The following CUX1 variants were observed in gnomAD, a reference collection of about 807,000 sequenced individuals.
CUX1 encodes the protein cut like homeobox 1, also known as protein CASP.
In CUX1, 31 loss-of-function variants were observed where a neutral mutation model predicts 158.8. The ratio of observed to expected loss-of-function variants is 0.20; its 90% CI spans 0.15 to 0.26. The LOEUF (loss-of-function observed/expected upper bound fraction) is 0.26, where lower values mean the gene tolerates loss of function less well. Ranked by LOEUF, CUX1 falls within the 10% of genes least tolerant of loss-of-function variation. The pLI is 1.00. For synonymous variants in CUX1, 879 were observed against 862.1 expected, an observed-to-expected ratio of 1.02 and a Z score of -0.34; for missense variants, 1,589 against 2,014.6, an observed-to-expected ratio of 0.79 and a Z score of 4.04.
At chr7:102,264,525 G>C (rs1586494783) in intron 14 of CUX1, among the ~76,000 whole-genome samples, 1 of 152,152 alleles carries the variant, frequency 6.6e-6, no homozygotes, top group African/African-American at 2.4e-5. Context: ...GGGCCTTGTC[G>C]GCTATTGCTG....
intron 8 of CUX1, among the ~76,000 whole-genome samples, chr7:102,119,810 G>A (rs1554492905): frequency 6.6e-6 from 1 of 152,124 alleles, no homozygotes; most frequent in Non-Finnish European, 1.5e-5. Context: ...GCCTCTCAAA[G>A]TGCTGGGATT....
intron 23 of CUX1, among the ~76,000 whole-genome samples, 159 bp downstream of exon 23, chr7:102,239,743 T>C (rs1375957373): frequency 3.3e-5 from 5 of 150,956 alleles, no homozygotes; most frequent in Admixed American, 2.6e-4. Flanking sequence ...GTTTTTTTTT[T>C]CTTTTCTTTT....
At chr7:101,901,620 T>C (rs1429192691) in intron 1 of CUX1, among the ~76,000 whole-genome samples, 1 of 152,134 alleles carries the variant, frequency 6.6e-6, no homozygotes, top group Non-Finnish European at 1.5e-5. Flanking sequence ...ATTCTGCAAG[T>C]TATAAGCAGC....
At chr7:101,860,786 C>CCT (rs1562938982) in intron 1 of CUX1, among the ~76,000 whole-genome samples, 1 of 65,570 alleles carries the variant, frequency 1.5e-5, no homozygotes, top group Non-Finnish European at 3.1e-5. Context: ...CCTTCCTTCC[C>CCT]TCCTTCCCCT....
Position 101,880,085 on chromosome 7 carries a change from T to A in CUX1, c.31-36030T>A, listed in dbSNP as rs78370147. ...CTACAGGAAAAGGCTGATTTTTTTT[T>A]AAAAAGGCTGTTTTTTTAAAAACAA... On this transcript the variant is annotated intron_variant, in intron 1 of 23. Transcript: ENST00000292535. 2.7e-3 allele frequency among the ~76,000 whole-genome samples: 366 copies of A among 135,186 alleles called. 1 individual carries two copies. Among genetic ancestry groups the A allele is most frequent in the Admixed American group, 0.019 (256 of 13,398 alleles). The allele number at this position is 135,186 out of a possible 152,430, so 88.7% of individuals were successfully genotyped here.
intron 8 of CUX1, among the ~76,000 whole-genome samples, chr7:102,136,295 T>G (rs1291780623): frequency 6.6e-6 from 1 of 152,188 alleles, no homozygotes; most frequent in African/African-American, 2.4e-5. Flanking sequence ...GTATAGCCAG[T>G]TTACTATTGT....
chr7:102,169,263 T>C (rs1554509777), intron 9 of CUX1, among the ~76,000 whole-genome samples: 1 of 152,094 alleles, frequency 6.6e-6, no homozygotes, highest in Admixed American at 6.5e-5. Flanking sequence ...GAGATATGGT[T>C]TCACCATGTT....
At chr7:102,243,264 ACT>A (rs1412948458) in intron 23 of CUX1, among the ~76,000 whole-genome samples, 1 of 151,996 alleles carries the variant, frequency 6.6e-6, no homozygotes, top group Non-Finnish European at 1.5e-5. Flanking sequence ...ACACAGCGAG[ACT>A]CTGTCTCAAA....
chr7:102,214,931 C>G (rs1796904805), intron 20 of CUX1, among the ~76,000 whole-genome samples: 1 of 152,182 alleles, frequency 6.6e-6, no homozygotes, highest in Admixed American at 6.5e-5. Context: ...TCATTTGGCA[C>G]CTAAATAAAG....
Position 101,834,165 on chromosome 7 carries a change from C to CTTTTTTTTTTTTT in CUX1, c.30+16510_30+16522dup, listed in dbSNP as rs575992276. 8.4e-5 allele frequency among the ~76,000 whole-genome samples: 6 copies of CTTTTTTTTTTTTT among 71,094 alleles called. 1 individual carries two copies. The highest frequency in any genetic ancestry group is 1.7e-4 in the Non-Finnish European group (6 of 36,248). The allele number at this position is 71,094 out of a possible 152,430, so 46.6% of individuals were successfully genotyped here. On this transcript the variant is annotated intron_variant, in intron 1 of 23. Coordinates refer to ENST00000292535, the MANE Select transcript of CUX1 (RefSeq NM_181552.4). ...TATTTATTTGAAAAGCTGATTGTTT[C>CTTTTTTTTTTTTT]TTTTTTTTTTTTTTTTTTTTTTTTT...
rs1172629429 is a variant in CUX1, at chr7:102,253,591, A to G, written c.*4549A>G. On this transcript the variant is annotated 3_prime_UTR_variant, in exon 24 of 24. Transcript: ENST00000292535. ...GATTTTAGCAAAGCAAATCTTACTG[A>G]AAAATAGCAGAGCCAGGGGAACAGA... 2 of 985,356 alleles carry G rather than the reference A, an allele frequency of 2.0e-6. No homozygotes were observed. The highest frequency in any genetic ancestry group is 2.3e-4 in the East Asian group (2 of 8,830). The allele number at this position is 985,356 out of a possible 1,614,324, so 61.0% of individuals were successfully genotyped here.
chr7:102,047,079 T>C (rs1222790538), intron 3 of CUX1, among the ~76,000 whole-genome samples: 1 of 152,186 alleles, frequency 6.6e-6, no homozygotes, highest in African/African-American at 2.4e-5. Flanking sequence ...CATTGATTCA[T>C]TAAATATTTG....
chr7:102,009,214 C>T (rs147536708), intron 2 of CUX1, among the ~76,000 whole-genome samples: 99 of 152,278 alleles, frequency 6.5e-4, no homozygotes, highest in Non-Finnish European at 8.7e-4. Flanking sequence ...CCTATTTACA[C>T]GACAGGGATG....
intron 4 of CUX1, among the ~76,000 whole-genome samples, chr7:102,080,494 G>A (rs782750394): frequency 2.0e-5 from 3 of 152,194 alleles, no homozygotes; most frequent in Non-Finnish European, 4.4e-5. Flanking sequence ...TCATCGCGGG[G>A]ACGGTGCTCA....
chr7:102,216,348 G>T (rs1797037266), intron 20 of CUX1, among the ~76,000 whole-genome samples: 1 of 151,850 alleles, frequency 6.6e-6, no homozygotes, highest in South Asian at 2.1e-4. Flanking sequence ...AGACCTCCTT[G>T]ACCTCTTTTT....
intron 2 of CUX1, among the ~76,000 whole-genome samples, chr7:101,984,077 C>CCAAAA (rs1185648555): frequency 2.4e-4 from 4 of 16,768 alleles, no homozygotes; most frequent in African/African-American, 1.2e-3. Flanking sequence ...TGTCCCCCCC[C>CCAAAA]AAAAAAAAAA....
At chr7:102,160,675 A>T (rs1180377616) in intron 9 of CUX1, among the ~76,000 whole-genome samples, 1 of 152,218 alleles carries the variant, frequency 6.6e-6, no homozygotes, top group Non-Finnish European at 1.5e-5. Flanking sequence ...CAGGGGAAAT[A>T]CGCCAGTCAC....
At chr7:102,275,420 A>C in intron 17 of CUX1, 9 of 1,341,808 alleles carry the variant, frequency 6.7e-6, no homozygotes, top group Non-Finnish European at 9.5e-6. Context: ...TGGGGAACAC[A>C]CAGGCTTTCA....
At chr7:102,218,518 G>A (rs972431167) in intron 20 of CUX1, among the ~76,000 whole-genome samples, 2 of 150,752 alleles carry the variant, frequency 1.3e-5, no homozygotes, top group Non-Finnish European at 3.0e-5. Flanking sequence ...ACCCTATCTC[G>A]ACAAATAATA....
Sources: gnomAD v4.1 joint callset for allele counts (sites outside exome capture counted in the v4.1 genomes callset) on GRCh38, gnomAD v4.1.1 for gene constraint, MANE v1.5 for transcripts, NCBI Gene and HGNC (gene_info 2026-07-23, HGNC 2026-07-21) for gene names.